HDAC9: variants seen among roughly 807,000 people sequenced by gnomAD.
HDAC9 encodes MEF-2 interacting transcription repressor (MITR) protein.
Under a neutral mutation model 139.4 loss-of-function variants are expected in HDAC9, and 41 were observed. The observed-to-expected ratio is 0.29, with a 90% CI of 0.23 to 0.38. The LOEUF (loss-of-function observed/expected upper bound fraction) is 0.38, where lower values mean the gene tolerates loss of function less well. HDAC9 is among the 10% of genes least tolerant of loss of function. HDAC9 has a pLI of 1.00. For synonymous variants in HDAC9, 517 were observed against 476.2 expected, an observed-to-expected ratio of 1.09 and a Z score of -1.12; for missense variants, 1,147 against 1,297.0, an observed-to-expected ratio of 0.88 and a Z score of 1.78.
At chr7:18,223,525 G>A (rs1244544612) in intron 2 of HDAC9, among the ~76,000 whole-genome samples, 1 of 151,678 alleles carries the variant, frequency 6.6e-6, no homozygotes, top group Admixed American at 6.6e-5. Flanking sequence ...AGGCTACACC[G>A]TTTTAAATGA....
At chr7:18,161,187 T>C (rs922516175) in intron 1 of HDAC9, among the ~76,000 whole-genome samples, 1 of 152,208 alleles carries the variant, frequency 6.6e-6, no homozygotes, top group African/African-American at 2.4e-5. Flanking sequence ...TGACACTACT[T>C]AGCTGTTTGA....
chr7:18,512,017 CAAAAAAAAA>C (rs11337572), intron 2 of HDAC9, among the ~76,000 whole-genome samples: 1 of 96,578 alleles, frequency 1.0e-5, no homozygotes, highest in Non-Finnish European at 2.0e-5. Context: ...ATGAATTAAG[CAAAAAAAAA>C]AAAAAAAAAA....
intron 17 of HDAC9, among the ~76,000 whole-genome samples, chr7:18,805,320 A>T (rs1291496834): frequency 6.6e-6 from 1 of 152,216 alleles, no homozygotes; most frequent in Non-Finnish European, 1.5e-5. Flanking sequence ...AGAGTGGGGT[A>T]GGACGTTCAC....
intron 2 of HDAC9, among the ~76,000 whole-genome samples, chr7:18,565,512 T>TC (rs1209812329): frequency 1.3e-5 from 2 of 152,046 alleles, no homozygotes; most frequent in African/African-American, 4.8e-5. Context: ...CCAGCATATG[T>TC]CCAAAACAGT....
At chr7:18,227,782 C>G (rs1793163635) in intron 2 of HDAC9, among the ~76,000 whole-genome samples, 1 of 152,086 alleles carries the variant, frequency 6.6e-6, no homozygotes, top group African/African-American at 2.4e-5. Context: ...GTTATAATAG[C>G]TTCTAAAGGT....
intron 17 of HDAC9, among the ~76,000 whole-genome samples, chr7:18,828,070 A>C (rs1171244704): frequency 1.3e-5 from 2 of 152,160 alleles, no homozygotes; most frequent in African/African-American, 4.8e-5. Context: ...TATTCAACAA[A>C]ATATATAGCA....
chr7:18,902,825 G>T (rs1475031491), intron 22 of HDAC9, among the ~76,000 whole-genome samples: 1 of 152,196 alleles, frequency 6.6e-6, no homozygotes, highest in East Asian at 1.9e-4. Flanking sequence ...ATTTATAAGT[G>T]AAATATGTCT....
chr7:18,480,017 G>T (rs1423801005), intron 1 of HDAC9, among the ~76,000 whole-genome samples: 2 of 121,680 alleles, frequency 1.6e-5, no homozygotes, highest in African/African-American at 3.1e-5. Flanking sequence ...AAGATTGCCT[G>T]TTTCTAGCAG....
At chr7:18,782,469 G>A (rs765995317) in intron 16 of HDAC9, among the ~76,000 whole-genome samples, 1 of 151,998 alleles carries the variant, frequency 6.6e-6, no homozygotes, top group Non-Finnish European at 1.5e-5. Flanking sequence ...CGGCTTTTCA[G>A]AGCATTAGCT....
chr7:18,616,529 A>G (rs1258243317), intron 6 of HDAC9, among the ~76,000 whole-genome samples: 1 of 152,204 alleles, frequency 6.6e-6, no homozygotes, highest in African/African-American at 2.4e-5. Context: ...GATAGGTAAT[A>G]GTGTTTCCTT....
intron 1 of HDAC9, among the ~76,000 whole-genome samples, chr7:18,377,011 A>G (rs1785043081): frequency 6.6e-6 from 1 of 152,130 alleles, no homozygotes; most frequent in Admixed American, 6.5e-5. Context: ...AGAGACTGTA[A>G]AGTAGTCCTT....
At chr7:18,120,502 A>G (rs1025981772) in intron 1 of HDAC9, among the ~76,000 whole-genome samples, 3 of 151,520 alleles carry the variant, frequency 2.0e-5, no homozygotes, top group African/African-American at 7.3e-5. Context: ...AACCTTTTCT[A>G]TTTTGCTGCT....
intron 2 of HDAC9, among the ~76,000 whole-genome samples, chr7:18,226,820 A>G (rs1204324254): frequency 6.6e-6 from 1 of 152,242 alleles, no homozygotes; most frequent in Non-Finnish European, 1.5e-5. Context: ...ATATGTAGGC[A>G]GTGACCAGAT....
In HDAC9 at chr7:18,948,245, A is replaced by T. The variant is rs546534160; in HGVS notation, c.2938-5901A>T. On this transcript the variant is annotated intron_variant, in intron 23 of 25. Coordinates refer to ENST00000686413, the MANE Select transcript of HDAC9 (RefSeq NM_178425.4). The stretch of plus-strand genomic sequence containing the variant: ...GATATTGTAAAAAAAAGAAAAAGAT[A>T]TCAGTATTGGAGAAAAATAAATAAA... Among the ~76,000 whole-genome samples, 107 of 152,178 alleles carry T rather than the reference A, an allele frequency of 7.0e-4. 1 individual carries two copies. The highest frequency in any genetic ancestry group is 2.4e-3 in the African/African-American group (100 of 41,576).
intron 1 of HDAC9, among the ~76,000 whole-genome samples, chr7:18,451,283 A>G (rs1402232168): frequency 1.3e-5 from 2 of 151,860 alleles, no homozygotes; most frequent in Non-Finnish European, 2.9e-5. Flanking sequence ...AACTGTGAGA[A>G]GTAAGTTTCT....
At chr7:18,281,404 G>A (rs1480525493) in intron 2 of HDAC9, among the ~76,000 whole-genome samples, 1 of 152,208 alleles carries the variant, frequency 6.6e-6, no homozygotes, top group Non-Finnish European at 1.5e-5. Flanking sequence ...TTAAGAGAGA[G>A]AGAGAGGTTG....
At chr7:18,823,393 ATT>A (rs1795133424) in intron 17 of HDAC9, among the ~76,000 whole-genome samples, 3 of 152,194 alleles carry the variant, frequency 2.0e-5, no homozygotes, top group Admixed American at 2.0e-4. Flanking sequence ...CGTAGAGTTT[ATT>A]TAAGGTTTTG....
At chr7:18,716,086 G>A (rs763071566) in intron 12 of HDAC9, among the ~76,000 whole-genome samples, 28 of 152,184 alleles carry the variant, frequency 1.8e-4, no homozygotes, top group Non-Finnish European at 3.1e-4. Context: ...AAATGCTCAA[G>A]AGATCCATCT....
chr7:18,938,659 A>C (rs927605578), intron 23 of HDAC9, among the ~76,000 whole-genome samples: 1 of 152,224 alleles, frequency 6.6e-6, no homozygotes, highest in South Asian at 2.1e-4. Flanking sequence ...CACCCTTTTA[A>C]ATTTATGAAT....
Sources: gnomAD v4.1 joint callset for allele counts (sites outside exome capture counted in the v4.1 genomes callset) on GRCh38, gnomAD v4.1.1 for gene constraint, MANE v1.5 for transcripts, NCBI Gene and HGNC (gene_info 2026-07-23, HGNC 2026-07-21) for gene names.